The following MREG variants were observed in gnomAD, a reference collection of about 807,000 sequenced individuals.
The protein encoded by MREG is dilute suppressor protein homolog.
In MREG, 31 loss-of-function variants were observed where a neutral mutation model predicts 28.5. The observed-to-expected ratio is 1.09, with a 90% CI of 0.82 to 1.47. The LOEUF (loss-of-function observed/expected upper bound fraction) is 1.47. Ranked by LOEUF, MREG falls within the 40% of genes most tolerant of loss-of-function variation. The pLI is 0.00. For synonymous variants in MREG, 106 were observed against 95.2 expected, an observed-to-expected ratio of 1.11 and a Z score of -0.66; for missense variants, 256 against 257.4, an observed-to-expected ratio of 0.99 and a Z score of 0.04.
At chr2:215,998,307 CAAA>C (rs1222506866) in intron 1 of MREG, among the ~76,000 whole-genome samples, 26 of 123,896 alleles carry the variant, frequency 2.1e-4, no homozygotes, top group African/African-American at 5.6e-4. Context: ...CTCCATCTCA[CAAA>C]AAAAAAAAAA....
rs1271858184 is a variant in MREG, at chr2:215,945,780, A to T, written c.347-46T>A. ...ACTCATGTAAAGTAGTCCCAAGTTA[A>T]CAAGTGTTCCGCAATACGGTCCCTG... On this transcript the variant is annotated intron_variant, in intron 3 of 4. Transcript: ENST00000263268. 7.7e-6 allele frequency: 12 copies of T among 1,555,764 alleles called. No homozygotes were observed. In the Admixed American group the frequency reaches 2.2e-4, roughly 28 times the overall value.
At chr2:215,990,901 C>T (rs1301299098) in intron 2 of MREG, among the ~76,000 whole-genome samples, 1 of 152,110 alleles carries the variant, frequency 6.6e-6, no homozygotes, top group African/African-American at 2.4e-5. Flanking sequence ...AAAGCAAATT[C>T]CTAGAAACAT....
At chr2:216,028,727 G>A (rs1005574340) in intron 1 of MREG, among the ~76,000 whole-genome samples, 5 of 151,852 alleles carry the variant, frequency 3.3e-5, no homozygotes, top group South Asian at 2.1e-4. Flanking sequence ...TTGGGAATTC[G>A]AATTTGTATA....
At chr2:215,991,924 A>AT (rs1019748063) in intron 2 of MREG, among the ~76,000 whole-genome samples, 2 of 152,154 alleles carry the variant, frequency 1.3e-5, no homozygotes, top group African/African-American at 4.8e-5. Context: ...AACCAAAAAA[A>AT]GCCCAGGACC....
intron 1 of MREG, among the ~76,000 whole-genome samples, chr2:216,024,339 C>CCAG (rs1694563175): frequency 3.3e-5 from 5 of 151,962 alleles, no homozygotes; most frequent in Admixed American, 3.3e-4. Context: ...AAGTTCAAGA[C>CCAG]CAGCCTGGTC....
intron 2 of MREG, among the ~76,000 whole-genome samples, chr2:215,984,059 T>TA (rs1286065505): frequency 6.6e-6 from 1 of 152,180 alleles, no homozygotes; most frequent in Non-Finnish European, 1.5e-5. Flanking sequence ...TAATTGGACT[T>TA]ACAGTTCCAC....
In MREG at chr2:216,008,953, G is replaced by T. The variant is rs147916024; in HGVS notation, c.95+4280C>A. ...GCGTGACTCAAACTAAACCATTTCT[G>T]CTATATCTGTTAATGAAATCCCCAC... On this transcript the variant is annotated intron_variant, in intron 1 of 4. Transcript: ENST00000263268. 7.3e-3 allele frequency among the ~76,000 whole-genome samples: 1,103 copies of T among 151,652 alleles called. 41 individuals are homozygous for T. The East Asian group carries it at 0.1, about 14-fold the overall frequency.
chr2:215,976,629 T>C (rs975630526), intron 2 of MREG, among the ~76,000 whole-genome samples: 1 of 152,102 alleles, frequency 6.6e-6, no homozygotes, highest in African/African-American at 2.4e-5. Flanking sequence ...GTACAGGGAG[T>C]GCTCCATAAG....
rs7567716 is a variant in MREG, at chr2:215,988,341, T to C, written c.255+7965A>G. ...AGGGAAGCTGTGAGGGATCGTGCTGTGAGTAATGGTGCACTCCAGCCTAGA... is the reference window on the plus strand; with the variant it reads ...AGGGAAGCTGTGAGGGATCGTGCTGCGAGTAATGGTGCACTCCAGCCTAGA... On this transcript the variant is annotated intron_variant, in intron 2 of 4. Coordinates refer to ENST00000263268, the MANE Select transcript of MREG (RefSeq NM_018000.3). Among the ~76,000 whole-genome samples, 751 of 152,218 alleles carry C rather than the reference T, an allele frequency of 4.9e-3. 4 individuals carry two copies. The highest frequency in any genetic ancestry group is 0.017 in the African/African-American group (713 of 41,544).
At chr2:215,940,128 C>T (rs1692180836), downstream of MREG, among the ~76,000 whole-genome samples, 1 of 152,196 alleles carries the variant, frequency 6.6e-6, no homozygotes, top group African/African-American at 2.4e-5. Context: ...TAGTTCTCCA[C>T]AACCCAGTGT....
intron 1 of MREG, among the ~76,000 whole-genome samples, chr2:216,011,539 A>G (rs558897544): frequency 5.9e-5 from 9 of 152,352 alleles, no homozygotes; most frequent in Admixed American, 5.9e-4. Context: ...GATGAAATTG[A>G]GGCACAAATA....
intron 2 of MREG, among the ~76,000 whole-genome samples, chr2:215,960,956 G>A (rs532603565): frequency 1.3e-5 from 2 of 152,368 alleles, no homozygotes; most frequent in South Asian, 4.1e-4. Flanking sequence ...GGCATGGTAT[G>A]CAAGCGAAAA....
chr2:215,965,850 A>G (rs1692924687), intron 2 of MREG, among the ~76,000 whole-genome samples: 1 of 152,190 alleles, frequency 6.6e-6, no homozygotes, highest in Non-Finnish European at 1.5e-5. Context: ...AAAGGAATGA[A>G]GGCAGGTGAA....
At chr2:216,010,354 C>CTTTTTTTTTTTTTTT (rs1164326774) in intron 1 of MREG, among the ~76,000 whole-genome samples, 5 of 94,380 alleles carry the variant, frequency 5.3e-5, no homozygotes, top group Admixed American at 1.4e-4. Context: ...AAAGATTTCT[C>CTTTTTTTTTTTTTTT]TTTTTTTTTT....
chr2:215,979,986 A>AC (rs1316800143), intron 2 of MREG, among the ~76,000 whole-genome samples: 1 of 149,892 alleles, frequency 6.7e-6, no homozygotes, highest in Non-Finnish European at 1.5e-5. Context: ...AACAAAAAAA[A>AC]AAAACAAAAA....
intron 1 of MREG, among the ~76,000 whole-genome samples, chr2:215,999,126 G>A (rs576473929): frequency 4.9e-4 from 74 of 152,338 alleles, no homozygotes; most frequent in South Asian, 1.5e-3. Flanking sequence ...TTGGGGAATC[G>A]AAGTATTCCT....
rs1692226826 is a variant in MREG, at chr2:215,943,219, CAAATCCTTA to C, written c.*1635_*1643del. 3.4e-6 allele frequency: 1 copy of C among 293,996 alleles called. No homozygotes were observed. Among genetic ancestry groups the C allele is most frequent in the Non-Finnish European group, 6.8e-6 (1 of 146,062 alleles). The allele number at this position is 293,996 out of a possible 1,614,324, so 18.2% of individuals were successfully genotyped here. On this transcript the variant is annotated 3_prime_UTR_variant, in exon 5 of 5. Transcript: ENST00000263268. ...CTCAGCAATCTATGGATTAACCTTA[CAAATCCTTA>C]AAGTCTTTTCAGTAACATGAACCAT...
intron 2 of MREG, among the ~76,000 whole-genome samples, chr2:215,959,821 C>T (rs1319734257): frequency 6.6e-6 from 1 of 152,188 alleles, no homozygotes; most frequent in African/African-American, 2.4e-5. Flanking sequence ...ATCCTACTCA[C>T]CCTTCAAGGC....
At chr2:215,973,004 GA>G (rs1298537522) in intron 2 of MREG, among the ~76,000 whole-genome samples, 1 of 152,100 alleles carries the variant, frequency 6.6e-6, no homozygotes, top group African/African-American at 2.4e-5. Context: ...AAAGAAGGGA[GA>G]AAAAAATATG....
Sources: gnomAD v4.1 joint callset for allele counts (sites outside exome capture counted in the v4.1 genomes callset) on GRCh38, gnomAD v4.1.1 for gene constraint, MANE v1.5 for transcripts, NCBI Gene and HGNC (gene_info 2026-07-23, HGNC 2026-07-21) for gene names.